Variants in AFAP1L2 observed in about 807,000 individuals in gnomAD.
AFAP1L2 encodes actin filament associated protein 1 like 2.
A neutral mutation model predicts 99.3 loss-of-function variants in AFAP1L2; 46 were observed. The observed-to-expected ratio is 0.46, with a 90% confidence interval of 0.37 to 0.59. The LOEUF (loss-of-function observed/expected upper bound fraction) is 0.59. AFAP1L2 is among the 20% of genes least tolerant of loss of function. The pLI, the probability that AFAP1L2 is intolerant of heterozygous loss-of-function variation, is 0.00. For missense variants in AFAP1L2, 959 were observed against 1,034.9 expected (o/e 0.93, Z 1.01); for synonymous variants, 397 against 419.1 (o/e 0.95, Z 0.64).
rs1590677235 is a variant in AFAP1L2, at chr10:114,373,201, C to T, written c.16+31239G>A. Among the ~76,000 whole-genome samples the T allele has an allele frequency of 1.3e-5, 2 of 152,210 alleles. 1 individual carries two copies. The highest frequency in any genetic ancestry group is 6.8e-3 in the Middle Eastern group (2 of 292). ...AAGGCTACAGTGAGCCACGATCATGCCGCTGCACTCCAGCCTGTGTGGCAG... is the reference window on the plus strand; with the variant it reads ...AAGGCTACAGTGAGCCACGATCATGTCGCTGCACTCCAGCCTGTGTGGCAG... On this transcript the variant is annotated intron_variant, in intron 1 of 18. Transcript: ENST00000304129.
chr10:114,398,299 A>G (rs2057918840), intron 1 of AFAP1L2, among the ~76,000 whole-genome samples: 1 of 152,254 alleles, frequency 6.6e-6, no homozygotes, highest in Non-Finnish European at 1.5e-5. Context: ...ATAACAAATG[A>G]GCAGTTCGTC....
In AFAP1L2 at chr10:114,300,663, C is replaced by T; in HGVS notation, c.1570G>A (p.Val524Ile). 6.2e-7 allele frequency: 1 copy of T among 1,604,986 alleles called. No individual in the cohort carries two copies. The highest frequency in any genetic ancestry group is 1.7e-4 in the Middle Eastern group (1 of 6,024). ...TCTCTCTCATTTGGGTCATCTGCAA[C>T]AGGGGTGGCTTCCTCGGTAGGCTCC... ...AVEPTEEATP[V>I]ADDPNERESD... The change falls in exon 14 of 19, where the codon GTT (valine) becomes ATT (isoleucine). Residue 524 changes from valine (V) to isoleucine (I), a missense_variant. Physicochemically the swap from Val to Ile is conservative, Grantham distance 29 (BLOSUM62 3). Around this residue, in one of 2 missense-constraint regions of AFAP1L2, gnomAD observed 576 missense variants for 562.1 expected, o/e 1.02. Transcript: ENST00000304129.
At chr10:114,362,066 G>A (rs1436246058) in intron 1 of AFAP1L2, among the ~76,000 whole-genome samples, 3 of 152,212 alleles carry the variant, frequency 2.0e-5, no homozygotes, top group African/African-American at 4.8e-5. Flanking sequence ...CCACTAACAA[G>A]TGCTGTGAAC....
chr10:114,328,346 C>T (rs2046710804), intron 4 of AFAP1L2, among the ~76,000 whole-genome samples: 2 of 152,244 alleles, frequency 1.3e-5, no homozygotes, highest in Admixed American at 1.3e-4. Flanking sequence ...GGTGGATGTC[C>T]ACGTGCTGCT....
chr10:114,292,086 G>A (rs991070424), downstream of AFAP1L2, among the ~76,000 whole-genome samples: 2 of 152,092 alleles, frequency 1.3e-5, no homozygotes, highest in Non-Finnish European at 2.9e-5. Flanking sequence ...AGACCAGCCT[G>A]GCCAACGTGG....
At chr10:114,355,998 G>A (rs1376148817) in intron 1 of AFAP1L2, among the ~76,000 whole-genome samples, 1 of 152,136 alleles carries the variant, frequency 6.6e-6, no homozygotes, top group Non-Finnish European at 1.5e-5. Flanking sequence ...AGGTGTATGT[G>A]TGTGTGCATC....
At chr10:114,404,020 G>A (rs1247350078) in intron 1 of AFAP1L2, among the ~76,000 whole-genome samples, 1 of 152,200 alleles carries the variant, frequency 6.6e-6, no homozygotes, top group Non-Finnish European at 1.5e-5. Flanking sequence ...GCGGGCGCCC[G>A]GGAGAAAGGA....
chr10:114,355,342 C>T (rs1420949238), intron 1 of AFAP1L2, among the ~76,000 whole-genome samples: 1 of 151,318 alleles, frequency 6.6e-6, no homozygotes, highest in Non-Finnish European at 1.5e-5. Context: ...GCAAGCTCCG[C>T]CTCCCGGATT....
chr10:114,369,289 C>G (rs2053751678), intron 1 of AFAP1L2, among the ~76,000 whole-genome samples: 1 of 152,036 alleles, frequency 6.6e-6, no homozygotes, highest in African/African-American at 2.4e-5. Context: ...AGATGTCTGT[C>G]TCTATTTAAA....
rs189795570 is a variant in AFAP1L2, at chr10:114,403,761, C to G, written c.16+679G>C. 4.5e-3 allele frequency among the ~76,000 whole-genome samples: 680 copies of G among 152,346 alleles called. 10 individuals carry two copies. Among genetic ancestry groups the G allele is most frequent in the African/African-American group, 0.016 (659 of 41,594 alleles). On this transcript the variant is annotated intron_variant, in intron 1 of 18. Transcript: ENST00000304129. ...CCTGGCCCCCGCCAAACCCAAAGCT[C>G]GCCCAGCTGCGCACTGAGCTAAGCC...
intron 1 of AFAP1L2, among the ~76,000 whole-genome samples, chr10:114,364,437 G>C (rs559838762): frequency 1.3e-5 from 2 of 152,298 alleles, no homozygotes; most frequent in South Asian, 4.1e-4. Flanking sequence ...CTGGTCCCTG[G>C]AGTTTGCTGG....
At chr10:114,391,498 G>C (rs2057157265) in intron 1 of AFAP1L2, among the ~76,000 whole-genome samples, 3 of 152,216 alleles carry the variant, frequency 2.0e-5, no homozygotes, top group Admixed American at 2.0e-4. Context: ...GGGATTACAG[G>C]CATGAGCCAC....
intron 1 of AFAP1L2, chr10:114,363,032 G>T (rs1328863054): frequency 1.0e-6 from 1 of 985,322 alleles, no homozygotes; most frequent in East Asian, 1.1e-4. Flanking sequence ...GCCCACCAGA[G>T]AGGACTGTGC....
At chr10:114,352,142 C>T (rs771419323) in intron 1 of AFAP1L2, among the ~76,000 whole-genome samples, 1 of 152,086 alleles carries the variant, frequency 6.6e-6, no homozygotes, top group Non-Finnish European at 1.5e-5. Flanking sequence ...ACTGTAAATA[C>T]ACACACACAT....
chr10:114,303,324 T>TAAAG (rs556529229), intron 11 of AFAP1L2, among the ~76,000 whole-genome samples: 159 of 152,310 alleles, frequency 1.0e-3, no homozygotes, highest in African/African-American at 3.6e-3. Flanking sequence ...TTTTTTATTT[T>TAAAG]AAAGACAGAA....
At chr10:114,399,043 G>T in intron 1 of AFAP1L2, 1 of 603,714 alleles carries the variant, frequency 1.7e-6, no homozygotes, top group Non-Finnish European at 2.7e-6. Context: ...CAGAGCTAGA[G>T]CACGGGAGAA....
intron 4 of AFAP1L2, among the ~76,000 whole-genome samples, chr10:114,327,785 C>A (rs2046604268): frequency 6.6e-6 from 1 of 152,214 alleles, no homozygotes; most frequent in Non-Finnish European, 1.5e-5. Flanking sequence ...AGTTTGCCAA[C>A]ACCTGGCTTA....
At chr10:114,308,628 C>A (rs762371622) in intron 8 of AFAP1L2, 111 bp from the exon 9 acceptor site, 1 of 924,654 alleles carries the variant, frequency 1.1e-6, no homozygotes, top group Non-Finnish European at 1.6e-6. Context: ...CAGAGGTCAG[C>A]TGAGCAAATC....
chr10:114,327,173 A>ATATATATATATATATATATATTT (rs1491191152), intron 4 of AFAP1L2, among the ~76,000 whole-genome samples: 1 of 18,700 alleles, frequency 5.3e-5, no homozygotes, highest in African/African-American at 1.1e-4. Context: ...ATATATATAT[A>ATATATATATATATATATATATTT]TTTTTTTTTT....
Sources: allele counts gnomAD v4.1 joint callset (sites outside exome capture counted in the v4.1 genomes callset), GRCh38; gene constraint gnomAD v4.1.1; regional missense constraint gnomAD v4.1.1; transcripts MANE v1.5; gene names NCBI Gene and HGNC (gene_info 2026-07-23, HGNC 2026-07-21).